The following SYT14 variants were observed in gnomAD, a reference collection of about 807,000 sequenced individuals.
SYT14 encodes the protein synaptotagmin 14.
Under a neutral mutation model 74.2 loss-of-function variants are expected in SYT14, and 32 were observed. The ratio of observed to expected loss-of-function variants is 0.43; its 90% CI spans 0.33 to 0.58. The LOEUF (loss-of-function observed/expected upper bound fraction) is 0.58, where lower values mean the gene tolerates loss of function less well. Among genes scored for constraint, SYT14 ranks in the 20% least tolerant of loss-of-function variants. The pLI is 0.05. For missense variants in SYT14, 791 were observed against 981.8 expected (o/e 0.81, Z 2.60); for synonymous variants, 298 against 337.7 (o/e 0.88, Z 1.29).
At chr1:210,096,222 C>T (rs939964650) in intron 6 of SYT14, among the ~76,000 whole-genome samples, 1 of 152,162 alleles carries the variant, frequency 6.6e-6, no homozygotes, top group Non-Finnish European at 1.5e-5. Flanking sequence ...CAAAACAGTG[C>T]TCTTAACAAC....
exon 10 of SYT14, chr1:210,161,014 G>A (rs1025021175): frequency 2.5e-6 from 4 of 1,613,866 alleles, no homozygotes; most frequent in Non-Finnish European, 3.4e-6. Context: ...CAGCAAGTAT[G>A]TAGATGGCAT....
chr1:210,078,435 CA>C (rs1259816506), intron 5 of SYT14, among the ~76,000 whole-genome samples: 14 of 150,436 alleles, frequency 9.3e-5, no homozygotes, highest in Non-Finnish European at 1.6e-4. Context: ...TAGGTCTTGA[CA>C]AACACTAAAA....
At chr1:209,968,978 A>G (rs148947831) in intron 2 of SYT14, among the ~76,000 whole-genome samples, 5 of 152,144 alleles carry the variant, frequency 3.3e-5, no homozygotes, top group African/African-American at 1.2e-4. Context: ...GCTCCCACTT[A>G]TAAGTGAGAA....
rs967583703 is a variant in SYT14, at chr1:210,032,138, A to G, written c.1312+10884A>G. 3.9e-5 allele frequency among the ~76,000 whole-genome samples: 6 copies of G among 151,982 alleles called. No individual in the cohort carries two copies. In the South Asian group the frequency reaches 1.2e-3, roughly 32 times the overall value. On this transcript the variant is annotated intron_variant, in intron 5 of 9. Coordinates refer to ENST00000637265, the Ensembl canonical transcript of SYT14. ...TTTTTTTTTCACAGAGAAGGATATC[A>G]TTGGAATCAACTGAAGATGCTAGAT...
At position 210,161,012 on chromosome 1, in the gene SYT14, A is replaced by G. The variant is rs778610597; in HGVS notation, c.2565A>G (p.Val855=). Reference sequence around the variant, plus strand: ...TGAAAGAGTCAAAAGGACAGCAAGTATGTAGATGGCATGCGTTGCTAGAGT... The same window carrying G: ...TGAAAGAGTCAAAAGGACAGCAAGTGTGTAGATGGCATGCGTTGCTAGAGT... The change falls in exon 10 of 10, where the codon GTA becomes GTG. Residue 855 remains valine (V), a synonymous_variant. Transcript: ENST00000637265. 7 of 1,613,932 alleles carry G rather than the reference A, an allele frequency of 4.3e-6. No individual in the cohort carries two copies. The Admixed American group carries it at 1.2e-4, about 27-fold the overall frequency.
chr1:210,163,825 A>C, exon 10 of SYT14: 1 of 453,830 alleles, frequency 2.2e-6, no homozygotes, highest in Non-Finnish European at 4.4e-6. Context: ...TTGAATTTGC[A>C]TGAAAGCTTA....
intron 7 of SYT14, among the ~76,000 whole-genome samples, chr1:210,122,713 TTAC>T (rs2102615615): frequency 6.6e-6 from 1 of 152,316 alleles, no homozygotes; most frequent in African/African-American, 2.4e-5. Context: ...TGTAGTTTGC[TTAC>T]TTCTGATCTT....
exon 7 of SYT14, chr1:210,100,408 C>A (rs1484786508): frequency 1.2e-6 from 2 of 1,613,448 alleles, no homozygotes; most frequent in Non-Finnish European, 1.7e-6. Flanking sequence ...AAAATTGAAT[C>A]TTCAAGGGAA....
At chr1:209,962,982 A>G (rs1396187213) in intron 2 of SYT14, among the ~76,000 whole-genome samples, 1 of 152,200 alleles carries the variant, frequency 6.6e-6, no homozygotes, top group South Asian at 2.1e-4. Flanking sequence ...CTGTGGACCA[A>G]CTTCAGAAAT....
intron 7 of SYT14, among the ~76,000 whole-genome samples, chr1:210,124,466 G>C (rs1416806269): frequency 1.3e-5 from 2 of 151,974 alleles, no homozygotes; most frequent in African/African-American, 2.4e-5. Flanking sequence ...CCAAATAAAG[G>C]ATCTGAACAA....
chr1:210,117,204 C>T (rs1296565108), intron 7 of SYT14, among the ~76,000 whole-genome samples: 1 of 151,980 alleles, frequency 6.6e-6, no homozygotes, highest in Non-Finnish European at 1.5e-5. Flanking sequence ...AATAGCCTAT[C>T]TTTTATGTTA....
chr1:210,001,579 G>A (rs894391049), intron 2 of SYT14, among the ~76,000 whole-genome samples: 2 of 152,010 alleles, frequency 1.3e-5, no homozygotes, highest in East Asian at 3.9e-4. Flanking sequence ...ATGCTAGTAT[G>A]GGAAGACAGA....
chr1:210,101,890 T>C (rs1329409131), intron 7 of SYT14, among the ~76,000 whole-genome samples: 1 of 152,086 alleles, frequency 6.6e-6, no homozygotes, highest in Non-Finnish European at 1.5e-5. Flanking sequence ...CAATTAATTA[T>C]GTTTTAATTA....
intron 5 of SYT14, among the ~76,000 whole-genome samples, chr1:210,092,514 G>A (rs1320777572): frequency 6.6e-6 from 1 of 152,174 alleles, no homozygotes; most frequent in Admixed American, 6.6e-5. Context: ...AGTCAAGTCA[G>A]TCTGCCAGCG....
In SYT14 at chr1:210,017,212, A is replaced by G. The variant is rs1327768604; in HGVS notation, c.1096+113A>G. 1.6e-5 allele frequency: 11 copies of G among 693,234 alleles called. No individual in the cohort carries two copies. In the Admixed American group the frequency reaches 2.2e-4, roughly 14 times the overall value. 42.9% of individuals were successfully genotyped at this position (693,234 alleles called of 1,614,324 possible). ...TCCTGTTCATGTGTCTATATTTAAG[A>G]CTTTCTTGAATCCTTTTACTGGGAA... is the stretch of plus-strand genomic sequence containing the variant. On this transcript the variant is annotated intron_variant, in intron 4 of 9. Coordinates refer to ENST00000637265, the Ensembl canonical transcript of SYT14.
At chr1:210,015,661 C>T (rs2080168769) in intron 3 of SYT14, 1 of 173,220 alleles carries the variant, frequency 5.8e-6, no homozygotes, top group Non-Finnish European at 1.2e-5. Context: ...TAATAAAAAT[C>T]CTTTTTATAC....
chr1:210,026,429 G>A (rs2080412676), intron 5 of SYT14, among the ~76,000 whole-genome samples: 1 of 151,990 alleles, frequency 6.6e-6, no homozygotes, highest in Admixed American at 6.6e-5. Context: ...TTACTAGAAT[G>A]TCTTTTGTTA....
At chr1:210,134,641 T>C (rs2082744320) in intron 7 of SYT14, among the ~76,000 whole-genome samples, 1 of 152,116 alleles carries the variant, frequency 6.6e-6, no homozygotes, top group Non-Finnish European at 1.5e-5. Flanking sequence ...ACTCACCATA[T>C]ACAATAATGA....
intron 2 of SYT14, among the ~76,000 whole-genome samples, chr1:209,953,643 A>G (rs1412716103): frequency 6.6e-6 from 1 of 152,220 alleles, no homozygotes; most frequent in Non-Finnish European, 1.5e-5. Context: ...AGTCTTTAAC[A>G]GCTCTGAAAA....
Sources: allele counts gnomAD v4.1 joint callset (sites outside exome capture counted in the v4.1 genomes callset), GRCh38; gene constraint gnomAD v4.1.1; transcripts MANE v1.5; gene names NCBI Gene and HGNC (gene_info 2026-07-23, HGNC 2026-07-21).